ASGR1: variants seen among roughly 807,000 people sequenced by gnomAD.
ASGR1 encodes C-type lectin domain family 4 member H1.
ASGR1 carries 35 observed loss-of-function variants against 33.1 expected under a neutral mutation model. The observed-to-expected ratio is 1.06, with a 90% confidence interval of 0.81 to 1.40. ASGR1 has a LOEUF of 1.40. Ranked by LOEUF, ASGR1 falls within the 40% of genes most tolerant of loss-of-function variation. The pLI is 0.00. For synonymous variants in ASGR1, 142 were observed against 152.5 expected (o/e 0.93, Z 0.51); for missense variants, 396 against 373.7 (o/e 1.06, Z -0.49).
Position 7,173,892 on chromosome 17 carries a change from G to A in ASGR1, c.702-59C>T. On this transcript the variant is annotated intron_variant, in intron 8 of 8. Coordinates refer to ENST00000269299, the MANE Select transcript of ASGR1 (RefSeq NM_001671.5). This position sits in a 1 kb window ranked among gnomAD's most constrained non-coding sequence, Gnocchi z 4.7. ...TCGGATCCGCAGGCGGGTCGCTCCA[G>A]ACTCCTCAGCCCAGGGCCCCAGGGC... is the stretch of plus-strand genomic sequence containing the variant. The A allele has an allele frequency of 6.2e-7, 1 of 1,609,542 alleles. No homozygotes were observed. Among genetic ancestry groups the A allele is most frequent in the Non-Finnish European group, 8.5e-7 (1 of 1,178,316 alleles).
In ASGR1 at chr17:7,176,441, TCA is replaced by T. The variant is rs576186807; in HGVS notation, c.355+387_355+388del. ...GACACACTCCGTCATTCTCACACTC[TCA>T]CACACACTCCCTCTCATTCCCACAG... On this transcript the variant is annotated intron_variant, in intron 5 of 8. Transcript: ENST00000269299. Among the ~76,000 whole-genome samples the T allele has an allele frequency of 1.2e-3, 172 of 139,496 alleles. 1 individual carries two copies. Among genetic ancestry groups the T allele is most frequent in the South Asian group, 4.5e-3 (20 of 4,396 alleles). The allele number at this position is 139,496 out of a possible 152,430, so 91.5% of individuals were successfully genotyped here.
chr17:7,174,336 G>A, intron 6 of ASGR1, 38 bp downstream of exon 6: 1 of 1,613,580 alleles, frequency 6.2e-7, no homozygotes, highest in Non-Finnish European at 8.5e-7. Context: ...GCCCAGAGAA[G>A]GGGGGAGGCA....
chr17:7,176,716 A>C (rs942871899), intron 5 of ASGR1, 114 bp downstream of exon 5: 1 of 1,453,698 alleles, frequency 6.9e-7, no homozygotes, highest in Non-Finnish European at 9.4e-7. Flanking sequence ...ACACACACAC[A>C]CACTCCCTCT....
intron 5 of ASGR1, 162 bp downstream of exon 5, chr17:7,176,668 C>A: frequency 1.9e-6 from 2 of 1,047,982 alleles, no homozygotes; most frequent in Non-Finnish European, 2.8e-6. Flanking sequence ...CATACACACA[C>A]CCAAAACACA....
chr17:7,178,849 G>A, intron 1 of ASGR1: 1 of 282,284 alleles, frequency 3.5e-6, no homozygotes, highest in Non-Finnish European at 6.4e-6. Context: ...CGGTTCTCCT[G>A]CCTCAGCCTC....
At position 7,179,189 on chromosome 17, in the gene ASGR1, C is replaced by T. The variant is rs1402090106; in HGVS notation, c.-26+1G>A. 4 of 153,160 alleles carry T rather than the reference C, an allele frequency of 2.6e-5. No homozygotes were observed. Among genetic ancestry groups the T allele is most frequent in the Non-Finnish European group, 2.9e-5 (2 of 68,878 alleles). The allele number at this position is 153,160 out of a possible 1,614,324, so 9.5% of individuals were successfully genotyped here. A position where few individuals can be genotyped will look rare whatever the true frequency, so the allele number is the denominator to read the frequency against. Reference sequence around the variant, plus strand: ...TCCCGCCACCTCTCTTCCCATTTTACTTGCTCAGGGTCTCAGGGTCTGATT... The same window carrying T: ...TCCCGCCACCTCTCTTCCCATTTTATTTGCTCAGGGTCTCAGGGTCTGATT... On this transcript the variant is annotated splice_donor_variant, in intron 1 of 8. Coordinates refer to ENST00000269299, the MANE Select transcript of ASGR1 (RefSeq NM_001671.5). LOFTEE classifies it low-confidence loss of function (5UTR_SPLICE).
Position 7,174,295 on chromosome 17 carries a change from C to T in ASGR1, c.443-6G>A. The T allele has an allele frequency of 1.2e-6, 2 of 1,613,474 alleles. No homozygotes were observed. The highest frequency in any genetic ancestry group is 1.7e-6 in the Non-Finnish European group (2 of 1,179,642). On this transcript the variant is annotated splice_region_variant and splice_polypyrimidine_tract_variant and intron_variant, in intron 6 of 8. Transcript: ENST00000269299. ...GCAGCAGGTCCTTTCTGAGCCTGAG[C>T]GGGAGAAACGGGGCGCAGGGGCTAA... is the stretch of plus-strand genomic sequence containing the variant.
intron 2 of ASGR1, chr17:7,177,540 C>T (rs1305534143): frequency 3.7e-6 from 2 of 536,480 alleles, no homozygotes; most frequent in Non-Finnish European, 3.3e-6. Flanking sequence ...CGCTGAGCCG[C>T]CCCATCCCAC....
chr17:7,173,746 G>C lies in ASGR1; in HGVS notation c.789C>G (p.Arg263=). The C allele has an allele frequency of 6.2e-7, 1 of 1,613,686 alleles. No individual in the cohort carries two copies. Among genetic ancestry groups the C allele is most frequent in the Non-Finnish European group, 8.5e-7 (1 of 1,180,018 alleles). ...EDCAHFTDDG[R]WNDDVCQRPY... ...GCCTCTGGCAGACGTCGTCGTTCCA[G>C]CGGCCGTCGTCGGTGAAGTGGGCAC... The change falls in exon 9 of 9, where the codon CGC becomes CGG. Residue 263 remains arginine, a synonymous_variant. Coordinates refer to ENST00000269299, the MANE Select transcript of ASGR1 (RefSeq NM_001671.5). The surrounding 1 kb of genome is among the most constrained non-coding windows in gnomAD (Gnocchi z 4.7).
At position 7,178,524 on chromosome 17, in the gene ASGR1, C is replaced by G; in HGVS notation, c.40G>C (p.Glu14Gln). 1 of 1,614,094 alleles carries G rather than the reference C, an allele frequency of 6.2e-7. No homozygotes were observed. Among genetic ancestry groups the G allele is most frequent in the Non-Finnish European group, 8.5e-7 (1 of 1,180,016 alleles). Reference protein sequence around the residue: ...EYQDLQHLDNEESDHHQLRKG... With the variant: ...EYQDLQHLDNQESDHHQLRKG... ...CTGAGCTGATGGTGGTCACTCTCCT[C>G]ATTGTCCAGATGCTGAAGGTCTTGA... is the stretch of plus-strand genomic sequence containing the variant. The change falls in exon 2 of 9, where the codon GAG becomes CAG. Residue 14 changes from glutamate (E) to glutamine (Q), a missense_variant. Coordinates refer to ENST00000269299, the MANE Select transcript of ASGR1 (RefSeq NM_001671.5).
chr17:7,175,257 TCA>T (rs559956547), intron 5 of ASGR1, among the ~76,000 whole-genome samples: 5 of 130,876 alleles, frequency 3.8e-5, no homozygotes, highest in East Asian at 2.4e-4. Flanking sequence ...ACATACACCC[TCA>T]CACACACACA....
chr17:7,175,489 C>CCA (rs370976819), intron 5 of ASGR1, among the ~76,000 whole-genome samples: 22,988 of 150,608 alleles, frequency 0.15, 3,716 homozygotes, highest in African/African-American at 0.41. Flanking sequence ...ACTACACACA[C>CCA]CACACACACT....
At chr17:7,174,551 G>A in intron 5 of ASGR1, 91 bp from the exon 6 acceptor site, 1 of 1,367,434 alleles carries the variant, frequency 7.3e-7, no homozygotes, top group Non-Finnish European at 1.0e-6. Flanking sequence ...TCCTCCTGCT[G>A]GGACCCGAAC....
Position 7,174,128 on chromosome 17 carries a change from G to C in ASGR1, c.594+10C>G, listed in dbSNP as rs748998144. On this transcript the variant is annotated intron_variant, in intron 7 of 8. Coordinates refer to ENST00000269299, the MANE Select transcript of ASGR1 (RefSeq NM_001671.5). ...GGCCAGCCAGCCTCCCAGACCCTCC[G>C]GGTCCTCACCTGCTCCTCCCAGGAC... The C allele has an allele frequency of 1.2e-6, 2 of 1,613,906 alleles. No individual in the cohort carries two copies. The highest frequency in any genetic ancestry group is 1.7e-5 in the Admixed American group (1 of 60,002).
At chr17:7,174,881 TAC>T (rs1567792454) in intron 5 of ASGR1, among the ~76,000 whole-genome samples, 1 of 128,570 alleles carries the variant, frequency 7.8e-6, no homozygotes, top group African/African-American at 3.1e-5. Flanking sequence ...ATAACCCACA[TAC>T]AGACAACACA....
In ASGR1 at chr17:7,173,448, T is replaced by C; in HGVS notation, c.*211A>G. On this transcript the variant is annotated 3_prime_UTR_variant, in exon 9 of 9. Transcript: ENST00000269299. This position sits in a 1 kb window ranked among gnomAD's most constrained non-coding sequence, Gnocchi z 4.7. ...ACAGAAGGTTTAGGTATATTTCTTT[T>C]TACTCTTAAAAAAAAAAAGTTCACA... 1 of 544,762 alleles carries C rather than the reference T, an allele frequency of 1.8e-6. No homozygotes were observed. Among genetic ancestry groups the C allele is most frequent in the Non-Finnish European group, 3.0e-6 (1 of 337,790 alleles). The allele number at this position is 544,762 out of a possible 1,614,324, so 33.7% of individuals were successfully genotyped here. A position where few individuals can be genotyped will look rare whatever the true frequency, so the allele number is the denominator to read the frequency against.
intron 6 of ASGR1, 38 bp downstream of exon 6, chr17:7,174,336 G>T (rs34632742): frequency 0.013 from 20,344 of 1,613,580 alleles, 290 homozygotes; most frequent in South Asian, 0.051. Flanking sequence ...GCCCAGAGAA[G>T]GGGGGAGGCA....
Position 7,173,541 on chromosome 17 carries a change from T to TC in ASGR1, c.*117dup. On this transcript the variant is annotated 3_prime_UTR_variant, in exon 9 of 9. Transcript: ENST00000269299. The surrounding 1 kb of genome is among the most constrained non-coding windows in gnomAD (Gnocchi z 4.7). ...TCCTCACCTTCGGAACATCACCCTA[T>TC]CCTTCCCCTTCCCTTAAAATCCTAG... is the stretch of plus-strand genomic sequence containing the variant. 7.2e-7 allele frequency: 1 copy of TC among 1,384,832 alleles called. No individual in the cohort carries two copies. Among genetic ancestry groups the TC allele is most frequent in the Non-Finnish European group, 9.8e-7 (1 of 1,016,048 alleles). The allele number at this position is 1,384,832 out of a possible 1,614,324, so 85.8% of individuals were successfully genotyped here.
intron 5 of ASGR1, 47 bp from the exon 6 acceptor site, chr17:7,174,507 G>C (rs200574936): frequency 3.1e-5 from 49 of 1,578,284 alleles, no homozygotes; most frequent in African/African-American, 2.6e-4. Context: ...CGGAAACCAC[G>C]GGGAGGGAAA....
Sources: allele counts gnomAD v4.1 joint callset (sites outside exome capture counted in the v4.1 genomes callset), GRCh38; gene constraint gnomAD v4.1.1; non-coding constraint Gnocchi (gnomAD v3.1); transcripts MANE v1.5; gene names NCBI Gene and HGNC (gene_info 2026-07-23, HGNC 2026-07-21).